Variants in FGFR2 observed in about 807,000 individuals in gnomAD.
FGFR2 encodes BEK fibroblast growth factor receptor.
A neutral mutation model predicts 95.9 loss-of-function variants in FGFR2; 19 were observed. The ratio of observed to expected loss-of-function variants is 0.20; its 90% CI spans 0.14 to 0.29. FGFR2 has a LOEUF of 0.29. Ranked by LOEUF, FGFR2 falls within the 10% of genes least tolerant of loss-of-function variation. The pLI is 1.00. For synonymous variants in FGFR2, 392 were observed against 393.3 expected (o/e 1.00, Z 0.04); for missense variants, 707 against 1,056.9 (o/e 0.67, Z 4.59).
chr10:121,535,573 C>T (rs1056463218), intron 6 of FGFR2, among the ~76,000 whole-genome samples: 1 of 152,168 alleles, frequency 6.6e-6, no homozygotes, highest in African/African-American at 2.4e-5. Context: ...GAATCCAGGG[C>T]TCTGGTACCA....
chr10:121,551,754 T>G (rs1855448063), intron 4 of FGFR2, among the ~76,000 whole-genome samples: 1 of 152,114 alleles, frequency 6.6e-6, no homozygotes, highest in Admixed American at 6.5e-5. Context: ...CCAAATCATG[T>G]TTTAAAATGC....
At chr10:121,572,294 G>A (rs1858926854) in intron 2 of FGFR2, among the ~76,000 whole-genome samples, 1 of 152,032 alleles carries the variant, frequency 6.6e-6, no homozygotes, top group South Asian at 2.1e-4. Context: ...TTCCTGCCTG[G>A]GTGACACAGC....
intron 13 of FGFR2, among the ~76,000 whole-genome samples, chr10:121,492,585 T>TC (rs1846282110): frequency 6.6e-6 from 1 of 152,112 alleles, no homozygotes; most frequent in African/African-American, 2.4e-5. Context: ...AGCCCATGGC[T>TC]CCCCATTGTG....
chr10:121,552,068 T>TA (rs968462146), intron 4 of FGFR2, among the ~76,000 whole-genome samples: 22 of 150,720 alleles, frequency 1.5e-4, no homozygotes, highest in East Asian at 1.4e-3. Context: ...CTTTTTTAAT[T>TA]AAAAAAAAAA....
At chr10:121,563,933 G>A (rs1857313025) in intron 4 of FGFR2, among the ~76,000 whole-genome samples, 1 of 152,194 alleles carries the variant, frequency 6.6e-6, no homozygotes, top group Non-Finnish European at 1.5e-5. Context: ...AGCATGAGGT[G>A]TGTGTTGTAG....
chr10:121,516,416 A>T (rs1849718075), intron 8 of FGFR2, among the ~76,000 whole-genome samples: 1 of 152,246 alleles, frequency 6.6e-6, no homozygotes, highest in Non-Finnish European at 1.5e-5. Context: ...AAGATAGTCA[A>T]AACTCTCAGC....
intron 5 of FGFR2, among the ~76,000 whole-genome samples, chr10:121,541,352 T>C (rs1298350091): frequency 1.3e-5 from 2 of 152,248 alleles, no homozygotes; most frequent in African/African-American, 2.4e-5. Context: ...TGGACACTTT[T>C]GTAGGGGATA....
intron 10 of FGFR2, among the ~76,000 whole-genome samples, chr10:121,503,419 G>C (rs1017084600): frequency 1.3e-5 from 2 of 152,210 alleles, no homozygotes; most frequent in African/African-American, 4.8e-5. Flanking sequence ...CCACAGAAGT[G>C]AACAGAGAAC....
At chr10:121,498,415 T>C (rs1847160554) in intron 12 of FGFR2, 80 bp downstream of exon 12, 1 of 938,962 alleles carries the variant, frequency 1.1e-6, no homozygotes, top group Non-Finnish European at 1.8e-6. Flanking sequence ...GGGAGCAGGA[T>C]CTGGAAGCCC....
At chr10:121,488,244 T>A in intron 13 of FGFR2, 131 bp from the exon 14 acceptor site, 1 of 1,289,682 alleles carries the variant, frequency 7.8e-7, no homozygotes, top group Non-Finnish European at 1.1e-6. Context: ...CGGTATACTA[T>A]AAGAAATACA....
chr10:121,570,464 C>G (rs766404349), intron 2 of FGFR2, among the ~76,000 whole-genome samples: 3 of 152,248 alleles, frequency 2.0e-5, no homozygotes, highest in Non-Finnish European at 4.4e-5. Context: ...GGCTGCACAG[C>G]CTGCTCTGTG....
intron 9 of FGFR2, among the ~76,000 whole-genome samples, chr10:121,507,614 G>A (rs1005890416): frequency 2.6e-5 from 4 of 152,156 alleles, no homozygotes; most frequent in Middle Eastern, 3.4e-3. Flanking sequence ...GACAGGAACA[G>A]GTCCAACTGC....
intron 9 of FGFR2, among the ~76,000 whole-genome samples, chr10:121,509,333 T>G (rs886854440): frequency 1.2e-4 from 19 of 152,002 alleles, no homozygotes; most frequent in African/African-American, 4.3e-4. Context: ...TTCCGGAATC[T>G]CTCCAGCATG....
At chr10:121,499,514 A>G (rs1847311199) in intron 11 of FGFR2, among the ~76,000 whole-genome samples, 1 of 152,220 alleles carries the variant, frequency 6.6e-6, no homozygotes. Flanking sequence ...GGGCTGTAAG[A>G]AAGGACACGC....
At chr10:121,495,852 A>C (rs1312287732) in intron 13 of FGFR2, among the ~76,000 whole-genome samples, 1 of 152,188 alleles carries the variant, frequency 6.6e-6, no homozygotes, top group Non-Finnish European at 1.5e-5. Flanking sequence ...TGGGGCTGAC[A>C]AGGGAGTTTT....
intron 2 of FGFR2, among the ~76,000 whole-genome samples, chr10:121,575,113 A>T (rs368285623): frequency 2.0e-5 from 3 of 152,244 alleles, no homozygotes; most frequent in African/African-American, 7.2e-5. Context: ...CAATATGGTA[A>T]CCATTAAAAA....
At chr10:121,578,048 A>C (rs1000838208) in intron 2 of FGFR2, among the ~76,000 whole-genome samples, 1 of 152,124 alleles carries the variant, frequency 6.6e-6, no homozygotes, top group Admixed American at 6.5e-5. Flanking sequence ...AAGTACAGGC[A>C]AAACTGCATC....
At chr10:121,569,458 G>A (rs1308433917) in intron 2 of FGFR2, among the ~76,000 whole-genome samples, 1 of 152,152 alleles carries the variant, frequency 6.6e-6, no homozygotes. Context: ...CTGACCTCGT[G>A]ATCTGCCCGC....
intron 2 of FGFR2, among the ~76,000 whole-genome samples, chr10:121,572,290 C>A (rs990420241): frequency 6.6e-6 from 1 of 152,044 alleles, no homozygotes; most frequent in African/African-American, 2.4e-5. Context: ...TGCATTCCTG[C>A]CTGGGTGACA....
Sources: gnomAD v4.1 joint callset for allele counts (sites outside exome capture counted in the v4.1 genomes callset) on GRCh38, gnomAD v4.1.1 for gene constraint, MANE v1.5 for transcripts, NCBI Gene and HGNC (gene_info 2026-07-23, HGNC 2026-07-21) for gene names.